Variants in LRRC74A observed in about 807,000 individuals in gnomAD.
LRRC74A encodes the protein leucine-rich repeat-containing protein 74A.
Under a neutral mutation model 57.9 loss-of-function variants are expected in LRRC74A, and 44 were observed. The ratio of observed to expected loss-of-function variants is 0.76; its 90% CI spans 0.60 to 0.98. LRRC74A has a LOEUF of 0.98. LRRC74A is among the 50% of genes least tolerant of loss of function. LRRC74A has a pLI of 0.00. For synonymous variants in LRRC74A, 211 were observed against 219.4 expected (o/e 0.96, Z 0.34); for missense variants, 572 against 574.0 (o/e 1.00, Z 0.04).
Position 76,831,138 on chromosome 14 carries a change from G to A in LRRC74A, c.167-65G>A. ...GTCTAGACATGAGTGAATGTCACTG[G>A]GGCTAGAGGGGAGAGAAGGCAAAGG... On this transcript the variant is annotated intron_variant, in intron 2 of 13. Coordinates refer to ENST00000689127, the MANE Select transcript of LRRC74A (RefSeq NM_001385106.1). 2.0e-6 allele frequency: 3 copies of A among 1,508,754 alleles called. No homozygotes were observed. In the South Asian group the frequency reaches 3.6e-5, roughly 18 times the overall value. The allele number at this position is 1,508,754 out of a possible 1,614,324, so 93.5% of individuals were successfully genotyped here.
intron 9 of LRRC74A, among the ~76,000 whole-genome samples, chr14:76,855,693 G>A (rs2140300026): frequency 6.6e-6 from 1 of 152,238 alleles, no homozygotes; most frequent in African/African-American, 2.4e-5. Context: ...AGCTCCACGA[G>A]GTCCAGGCCC....
intron 11 of LRRC74A, among the ~76,000 whole-genome samples, chr14:76,862,556 T>C (rs1367959181): frequency 6.7e-6 from 1 of 148,328 alleles, no homozygotes; most frequent in Admixed American, 6.7e-5. Context: ...AAAAGTGTCA[T>C]GTGATAAATA....
Position 76,826,714 on chromosome 14 carries a change from C to T in LRRC74A, c.17C>T (p.Pro6Leu). 1.3e-6 allele frequency: 2 copies of T among 1,534,796 alleles called. No individual in the cohort carries two copies. The highest frequency in any genetic ancestry group is 1.7e-6 in the Non-Finnish European group (2 of 1,142,862). Residue 6 changes from proline (P) to leucine (L), a missense_variant, in exon 1 of 14, where the codon CCT becomes CTT. Pro to Leu is a moderately conservative substitution (Grantham distance 98, BLOSUM62 -3). Transcript: ENST00000689127. MDNDK[P>L]LQPETEDEIE... Reference sequence around the variant, plus strand: ...CCTGGCACCATGGACAATGACAAGCCTCTTCAGCCTGAGACAGAAGGTGAA... The same window carrying T: ...CCTGGCACCATGGACAATGACAAGCTTCTTCAGCCTGAGACAGAAGGTGAA...
chr14:76,831,975 G>GA (rs1296562403), intron 3 of LRRC74A, among the ~76,000 whole-genome samples: 1 of 152,148 alleles, frequency 6.6e-6, no homozygotes, highest in Non-Finnish European at 1.5e-5. Context: ...CAGAAAAACA[G>GA]AAAACCTAAC....
chr14:76,842,866 G>A (rs542081638), intron 5 of LRRC74A, among the ~76,000 whole-genome samples: 11 of 152,308 alleles, frequency 7.2e-5, no homozygotes, highest in Non-Finnish European at 1.3e-4. Flanking sequence ...AGCCATTTGC[G>A]TTGGTCACAA....
intron 13 of LRRC74A, among the ~76,000 whole-genome samples, chr14:76,869,525 G>C (rs1437956568): frequency 1.3e-5 from 2 of 152,190 alleles, no homozygotes; most frequent in Admixed American, 1.3e-4. Flanking sequence ...GGCCGAGGCT[G>C]GTGGAGCACG....
intron 8 of LRRC74A, among the ~76,000 whole-genome samples, chr14:76,852,777 C>T (rs1316776429): frequency 6.6e-6 from 1 of 152,010 alleles, no homozygotes; most frequent in Non-Finnish European, 1.5e-5. Flanking sequence ...CGCCACCATG[C>T]CCGGCTATTT....
chr14:76,857,590 GT>G (rs1898001452), intron 10 of LRRC74A, 115 bp downstream of exon 10: 2 of 705,724 alleles, frequency 2.8e-6, no homozygotes, highest in Admixed American at 4.7e-5. Flanking sequence ...CCTCACACAA[GT>G]GCTCCATGAA....
In LRRC74A at chr14:76,869,825, T is replaced by G. The variant is rs529491965; in HGVS notation, c.1392-300T>G. ...ACAGAAGTATAGCAAGGAAAAAAAATGAAGGTCCATTTTTATCTCCCTCCA... is the reference window on the plus strand; with the variant it reads ...ACAGAAGTATAGCAAGGAAAAAAAAGGAAGGTCCATTTTTATCTCCCTCCA... On this transcript the variant is annotated intron_variant, in intron 13 of 13. Coordinates refer to ENST00000689127, the MANE Select transcript of LRRC74A (RefSeq NM_001385106.1). Among the ~76,000 whole-genome samples, 4 of 145,896 alleles carry G rather than the reference T, an allele frequency of 2.7e-5. No individual in the cohort carries two copies. The South Asian group carries it at 6.5e-4, about 24-fold the overall frequency.
At chr14:76,844,553 G>A in intron 6 of LRRC74A, 81 bp downstream of exon 6, 1 of 1,380,822 alleles carries the variant, frequency 7.2e-7, no homozygotes, top group South Asian at 1.2e-5. Context: ...TATGGGCACA[G>A]TAACGTGAGG....
At chr14:76,861,030 G>A (rs1898263512) in intron 11 of LRRC74A, among the ~76,000 whole-genome samples, 191 bp downstream of exon 11, 1 of 152,234 alleles carries the variant, frequency 6.6e-6, no homozygotes, top group African/African-American at 2.4e-5. Flanking sequence ...CCTCAGCAGT[G>A]CTTCCTGATC....
Position 76,860,701 on chromosome 14 carries a change from G to C in LRRC74A, c.1062G>C (p.Leu354=). ...RMEELDISNV[L]VSEQFMKTLD... ...CTCTCTCCCTGTCACAGAACGTGCT[G>C]GTGTCCGAGCAGTTCATGAAAACGT... Residue 354 remains leucine, a synonymous_variant, in exon 11 of 14, where the codon CTG becomes CTC. Transcript: ENST00000689127. The C allele has an allele frequency of 6.2e-7, 1 of 1,608,888 alleles. No homozygotes were observed. Among genetic ancestry groups the C allele is most frequent in the Non-Finnish European group, 8.5e-7 (1 of 1,177,164 alleles).
intron 4 of LRRC74A, among the ~76,000 whole-genome samples, chr14:76,837,311 C>T (rs534063057): frequency 8.8e-5 from 13 of 147,852 alleles, no homozygotes; most frequent in African/African-American, 2.5e-4. Flanking sequence ...CACTGAAAAA[C>T]GGCAAAGATG....
intron 5 of LRRC74A, 23 bp from the exon 6 acceptor site, chr14:76,844,400 C>G: frequency 6.2e-7 from 1 of 1,610,072 alleles, no homozygotes; most frequent in East Asian, 2.2e-5. Context: ...CAGTGCATCA[C>G]TGACACACCA....
chr14:76,858,107 G>A (rs1898035969), intron 10 of LRRC74A, among the ~76,000 whole-genome samples: 1 of 152,196 alleles, frequency 6.6e-6, no homozygotes, highest in African/African-American at 2.4e-5. Context: ...TCCTACTCTA[G>A]AAGGTAGGTA....
chr14:76,846,874 G>A (rs1300890815), intron 7 of LRRC74A, among the ~76,000 whole-genome samples: 1 of 152,186 alleles, frequency 6.6e-6, no homozygotes, highest in African/African-American at 2.4e-5. Context: ...TGCTATATGA[G>A]TTTAGAGCTG....
At chr14:76,852,496 G>T in intron 8 of LRRC74A, 46 bp downstream of exon 8, 1 of 1,434,510 alleles carries the variant, frequency 7.0e-7, no homozygotes, top group Non-Finnish European at 9.6e-7. Context: ...GTTGAGGACA[G>T]CCAGGGCCTC....
intron 2 of LRRC74A, chr14:76,828,845 G>A: frequency 2.3e-6 from 1 of 436,288 alleles, no homozygotes; most frequent in Non-Finnish European, 4.2e-6. Flanking sequence ...AGTTTGCCCA[G>A]CACGTTGGCT....
chr14:76,851,522 G>T (rs1897486720), intron 7 of LRRC74A, among the ~76,000 whole-genome samples: 1 of 150,968 alleles, frequency 6.6e-6, no homozygotes, highest in Admixed American at 6.6e-5. Context: ...CACACCCAGT[G>T]AATTTTTGTA....
Sources: allele counts gnomAD v4.1 joint callset (sites outside exome capture counted in the v4.1 genomes callset), GRCh38; gene constraint gnomAD v4.1.1; transcripts MANE v1.5; gene names NCBI Gene and HGNC (gene_info 2026-07-23, HGNC 2026-07-21).